EYA3: variants seen among roughly 807,000 people sequenced by gnomAD.
EYA3 encodes EYA transcriptional coactivator and phosphatase 3.
A neutral mutation model predicts 80.0 loss-of-function variants in EYA3; 39 were observed. The observed-to-expected ratio is 0.49, with a 90% CI of 0.38 to 0.64. The LOEUF (loss-of-function observed/expected upper bound fraction) is 0.64. Ranked by LOEUF, EYA3 falls within the 30% of genes least tolerant of loss-of-function variation. The pLI is 0.00. For missense variants in EYA3, 523 were observed against 676.1 expected (o/e 0.77, Z 2.51); for synonymous variants, 206 against 232.8 (o/e 0.88, Z 1.05).
intron 1 of EYA3, among the ~76,000 whole-genome samples, chr1:28,065,522 A>G (rs1007115931): frequency 1.3e-5 from 2 of 151,132 alleles, no homozygotes; most frequent in South Asian, 2.1e-4. Flanking sequence ...CGGCCTCCCA[A>G]AGTGCTGGGA....
At chr1:28,070,831 T>C (rs2148928952) in intron 1 of EYA3, among the ~76,000 whole-genome samples, 1 of 152,328 alleles carries the variant, frequency 6.6e-6, no homozygotes, top group Middle Eastern at 3.4e-3. Flanking sequence ...TTCATGGATC[T>C]TGAGAAATCT....
chr1:28,015,073 C>A (rs983819140), intron 8 of EYA3, among the ~76,000 whole-genome samples: 3 of 152,176 alleles, frequency 2.0e-5, no homozygotes, highest in Admixed American at 6.5e-5. Flanking sequence ...GAATAAGTCA[C>A]ACTAGCAGAA....
intron 10 of EYA3, among the ~76,000 whole-genome samples, chr1:28,004,914 A>G (rs1375609675): frequency 6.6e-6 from 1 of 152,140 alleles, no homozygotes; most frequent in Non-Finnish European, 1.5e-5. Context: ...TTCTTTGAAA[A>G]TATCTATAAA....
At chr1:28,068,438 A>G (rs1644910356) in intron 1 of EYA3, among the ~76,000 whole-genome samples, 1 of 151,916 alleles carries the variant, frequency 6.6e-6, no homozygotes, top group South Asian at 2.1e-4. Context: ...TGATCTTATG[A>G]TATAACATCA....
At chr1:27,981,974 G>C (rs1260002551) in intron 16 of EYA3, among the ~76,000 whole-genome samples, 1 of 151,548 alleles carries the variant, frequency 6.6e-6, no homozygotes, top group Non-Finnish European at 1.5e-5. Context: ...GAGTACCTAG[G>C]ATTGTAGGTA....
At chr1:28,088,269 A>T (rs1445052934) in intron 1 of EYA3, among the ~76,000 whole-genome samples, 3 of 152,156 alleles carry the variant, frequency 2.0e-5, no homozygotes, top group Non-Finnish European at 4.4e-5. Context: ...CAAGAAACCG[A>T]GGTTGGAAAA....
chr1:27,991,054 A>G (rs531812250), intron 14 of EYA3, among the ~76,000 whole-genome samples: 1 of 152,268 alleles, frequency 6.6e-6, no homozygotes, highest in East Asian at 1.9e-4. Flanking sequence ...TCCTTCTTTC[A>G]TCACCAACCA....
chr1:28,079,482 T>A (rs571984077), intron 1 of EYA3, among the ~76,000 whole-genome samples: 2 of 152,314 alleles, frequency 1.3e-5, no homozygotes. Context: ...TTTTGACTAG[T>A]TGCCAAGAAC....
At chr1:28,053,619 AG>A (rs1293640719) in intron 2 of EYA3, among the ~76,000 whole-genome samples, 2 of 152,256 alleles carry the variant, frequency 1.3e-5, no homozygotes, top group African/African-American at 4.8e-5. Flanking sequence ...TTTCAACAGC[AG>A]GAAACAGCAG....
At chr1:28,060,895 T>C (rs1462567775) in intron 1 of EYA3, among the ~76,000 whole-genome samples, 3 of 152,136 alleles carry the variant, frequency 2.0e-5, no homozygotes, top group African/African-American at 7.2e-5. Context: ...AAGCCTGTAG[T>C]CCCAGCTCCT....
At chr1:28,008,017 C>T (rs769553198) in intron 10 of EYA3, among the ~76,000 whole-genome samples, 3 of 152,102 alleles carry the variant, frequency 2.0e-5, no homozygotes, top group Non-Finnish European at 2.9e-5. Flanking sequence ...GTGGTACTAG[C>T]ATAAGGATAG....
chr1:28,070,256 G>A (rs1210779975), intron 1 of EYA3, among the ~76,000 whole-genome samples: 4 of 151,946 alleles, frequency 2.6e-5, no homozygotes, highest in African/African-American at 9.7e-5. Context: ...ACGAAAGTGG[G>A]AAATGAAGAA....
intron 8 of EYA3, among the ~76,000 whole-genome samples, chr1:28,015,651 G>GA (rs539037659): frequency 6.6e-6 from 1 of 152,078 alleles, no homozygotes; most frequent in Non-Finnish European, 1.5e-5. Context: ...GCACAAGGGG[G>GA]AAAAAACTGG....
intron 1 of EYA3, among the ~76,000 whole-genome samples, chr1:28,073,221 C>T (rs1345527119): frequency 7.1e-6 from 1 of 140,748 alleles, no homozygotes; most frequent in Non-Finnish European, 1.5e-5. Flanking sequence ...CAAGCTCCAC[C>T]TCCCAGGTTC....
At chr1:28,004,767 A>G (rs1021579881) in intron 10 of EYA3, among the ~76,000 whole-genome samples, 3 of 152,026 alleles carry the variant, frequency 2.0e-5, no homozygotes, top group African/African-American at 7.2e-5. Flanking sequence ...ACCTAATTGC[A>G]TATCTTAAGA....
At chr1:28,084,380 C>T (rs1345272419) in intron 1 of EYA3, among the ~76,000 whole-genome samples, 1 of 151,302 alleles carries the variant, frequency 6.6e-6, no homozygotes, top group Non-Finnish European at 1.5e-5. Flanking sequence ...ATACCAGTAT[C>T]AACAGGGTAG....
At chr1:28,043,167 A>C (rs1372462154) in intron 3 of EYA3, among the ~76,000 whole-genome samples, 1 of 151,988 alleles carries the variant, frequency 6.6e-6, no homozygotes, top group Non-Finnish European at 1.5e-5. Flanking sequence ...ATATCTCTAG[A>C]TCCCTTTAGT....
chr1:28,037,476 G>A (rs1479527236), intron 5 of EYA3, among the ~76,000 whole-genome samples: 1 of 152,218 alleles, frequency 6.6e-6, no homozygotes, highest in African/African-American at 2.4e-5. Context: ...TGTTACTCAA[G>A]TCACATGGGA....
Position 27,974,305 on chromosome 1 carries a change from G to A in EYA3, c.*161C>T. 2 of 470,526 alleles carry A rather than the reference G, an allele frequency of 4.3e-6. No individual in the cohort carries two copies. Among genetic ancestry groups the A allele is most frequent in the Admixed American group, 3.4e-5 (1 of 29,424 alleles). 29.1% of individuals were successfully genotyped at this position (470,526 alleles called of 1,614,324 possible). A position where few individuals can be genotyped will look rare whatever the true frequency, so the allele number is the denominator to read the frequency against. ...AGGCAGAGAGGGAGGGAGAGAGGAA[G>A]GGAGGGAGGGAGAGAGGGAGAGAGA... On this transcript the variant is annotated 3_prime_UTR_variant, in exon 18 of 18. Coordinates refer to ENST00000373871, the MANE Select transcript of EYA3 (RefSeq NM_001990.4).
Sources: gnomAD v4.1 joint callset for allele counts (sites outside exome capture counted in the v4.1 genomes callset) on GRCh38, gnomAD v4.1.1 for gene constraint, MANE v1.5 for transcripts, NCBI Gene and HGNC (gene_info 2026-07-23, HGNC 2026-07-21) for gene names.